Variants in DNAH9 observed in about 807,000 individuals in gnomAD.
DNAH9 encodes the protein dynein axonemal heavy chain 9.
In DNAH9, 345 loss-of-function variants were observed where a neutral mutation model predicts 471.6. The observed-to-expected ratio is 0.73, with a 90% CI of 0.67 to 0.80. The LOEUF (loss-of-function observed/expected upper bound fraction) is 0.80, where lower values mean the gene tolerates loss of function less well. Ranked by LOEUF, DNAH9 falls within the 30% of genes least tolerant of loss-of-function variation. The pLI, the probability that DNAH9 is intolerant of heterozygous loss-of-function variation, is 0.00. For synonymous variants in DNAH9, 2,093 were observed against 2,123.6 expected (o/e 0.99, Z 0.40); for missense variants, 5,407 against 5,609.2 (o/e 0.96, Z 1.15).
intron 61 of DNAH9, among the ~76,000 whole-genome samples, chr17:11,916,848 G>A (rs912417319): frequency 3.9e-5 from 6 of 152,004 alleles, no homozygotes; most frequent in African/African-American, 9.7e-5. Flanking sequence ...CTCCACCCCC[G>A]AAAAATGCAC....
rs1174354536 is a variant in DNAH9 at position 11,688,097 on chromosome 17, AAAAG to A, written c.3744-1465_3744-1462del. ...TGCAGTAAGCCAAAAAAAAAAAAAA[AAAAG>A]AAAAAGCCATCTGCCTACATGGGTT... is the stretch of plus-strand genomic sequence containing the variant. On this transcript the variant is annotated intron_variant, in intron 19 of 68. Coordinates refer to ENST00000262442, the MANE Select transcript of DNAH9 (RefSeq NM_001372.4). Among the ~76,000 whole-genome samples, 28 of 142,886 alleles carry A rather than the reference AAAAG, an allele frequency of 2.0e-4. 1 individual carries two copies. The highest frequency in any genetic ancestry group is 3.5e-3 in the Middle Eastern group (1 of 284). The allele number at this position is 142,886 out of a possible 152,430, so 93.7% of individuals were successfully genotyped here. A position where few individuals can be genotyped will look rare whatever the true frequency, so the allele number is the denominator to read the frequency against.
intron 26 of DNAH9, among the ~76,000 whole-genome samples, chr17:11,708,444 C>T (rs1839584960): frequency 6.6e-6 from 1 of 152,088 alleles, no homozygotes; most frequent in African/African-American, 2.4e-5. Flanking sequence ...CAGCTTAAGA[C>T]AAATGCAAAT....
chr17:11,965,893 AG>A (rs1976670839), intron 68 of DNAH9, among the ~76,000 whole-genome samples: 1 of 152,066 alleles, frequency 6.6e-6, no homozygotes, highest in Non-Finnish European at 1.5e-5. Context: ...CAGCAAATTT[AG>A]AATCAGATCA....
intron 61 of DNAH9, among the ~76,000 whole-genome samples, chr17:11,911,921 CTAA>C (rs1291778462): frequency 3.3e-5 from 5 of 152,148 alleles, no homozygotes; most frequent in Non-Finnish European, 5.9e-5. Flanking sequence ...CTTGTTAGTT[CTAA>C]TAATTCCTTC....
At chr17:11,850,121 A>G (rs890313973) in intron 49 of DNAH9, among the ~76,000 whole-genome samples, 1 of 152,174 alleles carries the variant, frequency 6.6e-6, no homozygotes, top group African/African-American at 2.4e-5. Context: ...AAAAAGAAAA[A>G]TGTGGAGTAG....
At chr17:11,841,732 G>A (rs1971041360) in intron 49 of DNAH9, among the ~76,000 whole-genome samples, 1 of 152,056 alleles carries the variant, frequency 6.6e-6, no homozygotes, top group South Asian at 2.1e-4. Flanking sequence ...AAATTGTGAG[G>A]GAAGTATGTA....
chr17:11,811,611 A>G (rs1054558118), intron 45 of DNAH9, among the ~76,000 whole-genome samples: 2 of 152,160 alleles, frequency 1.3e-5, no homozygotes, highest in Non-Finnish European at 2.9e-5. Context: ...CTCCAACCTC[A>G]GCTGTCCATC....
chr17:11,905,946 G>A, intron 61 of DNAH9, 137 bp downstream of exon 61: 9 of 1,198,396 alleles, frequency 7.5e-6, no homozygotes, highest in Non-Finnish European at 1.0e-5. Flanking sequence ...CAGGGTCATT[G>A]CTGAAATAAA....
intron 50 of DNAH9, among the ~76,000 whole-genome samples, chr17:11,860,570 GT>G (rs34789405): frequency 1.5e-4 from 22 of 147,760 alleles, no homozygotes; most frequent in East Asian, 9.8e-4. Flanking sequence ...GTTGTTTGTT[GT>G]TTTTTTTTTG....
Position 11,689,958 on chromosome 17 carries a change from C to G in DNAH9, c.4136C>G (p.Pro1379Arg), listed in dbSNP as rs772358930. The G allele has an allele frequency of 2.6e-5, 42 of 1,613,022 alleles. No individual in the cohort carries two copies. Among genetic ancestry groups the G allele is most frequent in the Non-Finnish European group, 3.3e-5 (39 of 1,179,576 alleles). The change falls in exon 20 of 69, where the codon CCA becomes CGA. Residue 1379 changes from proline (P) to arginine (R), a missense_variant. Pro to Arg is a moderately radical substitution (Grantham distance 103). Around this residue, in one of 3 missense-constraint regions of DNAH9, gnomAD observed 4,636 missense variants for 4,900.3 expected, o/e 0.95. Transcript: ENST00000262442. ...SLRAVAELQNPAIRERHWRQL... is the reference protein window; with the variant it reads ...SLRAVAELQNRAIRERHWRQL... The stretch of plus-strand genomic sequence containing the variant: ...AGGGCAGTAGCTGAGCTGCAGAATC[C>G]AGCCATCCGGGAGCGGCACTGGAGG...
chr17:11,701,420 A>G (rs1361494834), intron 24 of DNAH9, among the ~76,000 whole-genome samples, 173 bp downstream of exon 24: 1 of 152,218 alleles, frequency 6.6e-6, no homozygotes, highest in Non-Finnish European at 1.5e-5. Flanking sequence ...GGGATTAACA[A>G]TAATGACCTA....
intron 67 of DNAH9, among the ~76,000 whole-genome samples, chr17:11,949,503 C>T (rs977936374): frequency 5.3e-5 from 8 of 150,054 alleles, no homozygotes; most frequent in South Asian, 2.1e-4. Context: ...TTCTTTGAGA[C>T]GGAGTTTTGC....
At chr17:11,883,063 T>C (rs1972780321) in intron 55 of DNAH9, 4 of 987,194 alleles carry the variant, frequency 4.1e-6, no homozygotes, top group Non-Finnish European at 3.6e-6. Context: ...AGAGATGAGA[T>C]CCACTTGGAT....
intron 19 of DNAH9, among the ~76,000 whole-genome samples, chr17:11,683,598 G>A (rs1342075414): frequency 1.3e-5 from 2 of 152,200 alleles, no homozygotes; most frequent in East Asian, 1.9e-4. Context: ...GTGTCTGTTC[G>A]AAATTCGGTA....
At chr17:11,703,862 C>A (rs1043484043) in intron 24 of DNAH9, among the ~76,000 whole-genome samples, 2 of 152,118 alleles carry the variant, frequency 1.3e-5, no homozygotes, top group Non-Finnish European at 2.9e-5. Flanking sequence ...GTCATCCTCC[C>A]AAGCTTGGGA....
intron 45 of DNAH9, among the ~76,000 whole-genome samples, chr17:11,817,376 C>T (rs750064722): frequency 4.6e-5 from 7 of 152,264 alleles, no homozygotes; most frequent in Middle Eastern, 3.4e-3. Flanking sequence ...CATTTGAGCA[C>T]GGAAAATGTC....
chr17:11,856,903 G>A (rs559073423), intron 50 of DNAH9, among the ~76,000 whole-genome samples: 20 of 152,086 alleles, frequency 1.3e-4, no homozygotes, highest in African/African-American at 3.6e-4. Context: ...TTTTAGAGAA[G>A]GGGTCTTGCT....
intron 30 of DNAH9, 44 bp downstream of exon 30, chr17:11,742,357 G>T: frequency 6.3e-7 from 1 of 1,585,388 alleles, no homozygotes. Context: ...CCGTGCAACA[G>T]CCCCAGCTCT....
At chr17:11,898,709 A>G (rs950122308) in intron 59 of DNAH9, among the ~76,000 whole-genome samples, 1 of 152,226 alleles carries the variant, frequency 6.6e-6, no homozygotes, top group Non-Finnish European at 1.5e-5. Context: ...TGAGTTGTGC[A>G]GTTTGGACCA....
Sources: gnomAD v4.1 joint callset for allele counts (sites outside exome capture counted in the v4.1 genomes callset) on GRCh38, gnomAD v4.1.1 for gene constraint, gnomAD v4.1.1 regional missense constraint, MANE v1.5 for transcripts, NCBI Gene and HGNC (gene_info 2026-07-23, HGNC 2026-07-21) for gene names.